XYLT1: variants seen among roughly 807,000 people sequenced by gnomAD.
XYLT1 encodes the protein beta-D-xylosyltransferase 1.
XYLT1 carries 36 observed loss-of-function variants against 91.3 expected under a neutral mutation model. The observed-to-expected ratio is 0.39, with a 90% confidence interval of 0.30 to 0.52. The LOEUF is 0.52. Ranked by LOEUF, XYLT1 falls within the 20% of genes least tolerant of loss-of-function variation. XYLT1 has a pLI of 0.68. For missense variants in XYLT1, 1,242 were observed against 1,284.5 expected (o/e 0.97, Z 0.51); for synonymous variants, 588 against 532.0 (o/e 1.11, Z -1.45).
intron 2 of XYLT1, among the ~76,000 whole-genome samples, chr16:17,303,741 C>G (rs2034431383): frequency 6.6e-6 from 1 of 152,186 alleles, no homozygotes; most frequent in South Asian, 2.1e-4. Context: ...CACTCTGATT[C>G]TAGAAACAGG....
intron 5 of XYLT1, among the ~76,000 whole-genome samples, chr16:17,163,921 C>T (rs1243872406): frequency 4.0e-5 from 6 of 151,568 alleles, no homozygotes; most frequent in African/African-American, 1.2e-4. Flanking sequence ...TGGTGGCATG[C>T]GCCTGTGATC....
At chr16:17,404,346 G>GT (rs1201227219) in intron 1 of XYLT1, among the ~76,000 whole-genome samples, 1 of 152,206 alleles carries the variant, frequency 6.6e-6, no homozygotes, top group Non-Finnish European at 1.5e-5. Context: ...GGATGAGGGC[G>GT]TGGAGCAGGT....
chr16:17,283,533 C>T (rs2034089812), intron 2 of XYLT1, among the ~76,000 whole-genome samples: 1 of 152,228 alleles, frequency 6.6e-6, no homozygotes, highest in African/African-American at 2.4e-5. Context: ...ACTTGACATT[C>T]TAGAGTCTTT....
At chr16:17,353,130 G>C (rs1355272200) in intron 2 of XYLT1, among the ~76,000 whole-genome samples, 4 of 152,218 alleles carry the variant, frequency 2.6e-5, no homozygotes, top group African/African-American at 9.6e-5. Flanking sequence ...TGAAAACCCA[G>C]AAGTTGGGAG....
intron 1 of XYLT1, among the ~76,000 whole-genome samples, chr16:17,385,033 C>T (rs1158138851): frequency 6.6e-6 from 1 of 151,774 alleles, no homozygotes; most frequent in Non-Finnish European, 1.5e-5. Context: ...TTTTAGGTGA[C>T]TGCAGAGTCC....
At chr16:17,401,042 A>G (rs1036642790) in intron 1 of XYLT1, among the ~76,000 whole-genome samples, 10 of 152,002 alleles carry the variant, frequency 6.6e-5, no homozygotes, top group Non-Finnish European at 1.3e-4. Flanking sequence ...CTTCAGAGTC[A>G]ATTCTTTAAC....
intron 5 of XYLT1, among the ~76,000 whole-genome samples, chr16:17,191,893 T>A (rs2141580212): frequency 6.6e-6 from 1 of 152,290 alleles, no homozygotes; most frequent in Middle Eastern, 3.4e-3. Flanking sequence ...CAGGAAAATG[T>A]CAACATGGTT....
chr16:17,439,849 C>T (rs2036510693), intron 1 of XYLT1, among the ~76,000 whole-genome samples: 1 of 152,092 alleles, frequency 6.6e-6, no homozygotes, highest in South Asian at 2.1e-4. Context: ...CCAAGGATAC[C>T]CACTCCAGTA....
chr16:17,328,618 G>A (rs1040199470), intron 2 of XYLT1, among the ~76,000 whole-genome samples: 2 of 136,004 alleles, frequency 1.5e-5, no homozygotes, highest in Non-Finnish European at 3.2e-5. Context: ...TGCAAGAGCA[G>A]AAAAAAAATT....
At chr16:17,120,892 TTA>T (rs2030028332) in intron 10 of XYLT1, among the ~76,000 whole-genome samples, 1 of 152,222 alleles carries the variant, frequency 6.6e-6, no homozygotes, top group Admixed American at 6.5e-5. Flanking sequence ...GATCATCTAC[TTA>T]TGTGTGTTTA....
At chr16:17,111,912 G>T (rs1966841772) in intron 11 of XYLT1, among the ~76,000 whole-genome samples, 1 of 152,172 alleles carries the variant, frequency 6.6e-6, no homozygotes, top group South Asian at 2.1e-4. Flanking sequence ...GGTAGGGTGG[G>T]CAGCTTCAGC....
At position 17,260,060 on chromosome 16, in the gene XYLT1, G is replaced by T. The variant is rs552573727; in HGVS notation, c.403-562C>A. ...TTTTTTTTTTTTTTTTAAGAGGAAT[G>T]CAGCCCTTGTAGAATAAACTTTACA... On this transcript the variant is annotated intron_variant, in intron 2 of 11. Coordinates refer to ENST00000261381, the MANE Select transcript of XYLT1 (RefSeq NM_022166.4). Among the ~76,000 whole-genome samples, 415 of 148,992 alleles carry T rather than the reference G, an allele frequency of 2.8e-3. 3 individuals are homozygous for T. The highest frequency in any genetic ancestry group is 9.9e-3 in the African/African-American group (398 of 40,344).
At chr16:17,357,165 T>A (rs1259483608) in intron 2 of XYLT1, among the ~76,000 whole-genome samples, 2 of 95,680 alleles carry the variant, frequency 2.1e-5, no homozygotes, top group African/African-American at 9.1e-5. Flanking sequence ...CAACAGAGAC[T>A]CGGTCTCAAA....
chr16:17,147,459 A>C (rs1384475772), intron 6 of XYLT1, among the ~76,000 whole-genome samples: 3 of 152,198 alleles, frequency 2.0e-5, no homozygotes, highest in Admixed American at 6.5e-5. Context: ...TGCAATTTTA[A>C]TGTGATGTCC....
At position 17,134,578 on chromosome 16, in the gene XYLT1, A is replaced by G; in HGVS notation, c.1922T>C (p.Ile641Thr). 1.9e-6 allele frequency: 3 copies of G among 1,614,174 alleles called. No individual in the cohort carries two copies. The highest frequency in any genetic ancestry group is 1.7e-6 in the Non-Finnish European group (2 of 1,180,032). ...GAGTGTCACGTCGCTCAGGCTGTGG[A>G]TGCCGTCAGGCTCATCGTAGACATT... The part of the protein sequence containing the change: ...WENVYDEPDG[I>T]HSLSDVTLTL... Residue 641 changes from isoleucine to threonine, a missense_variant, in exon 9 of 12, where the codon ATC becomes ACC. By Grantham distance (89) the Ile-to-Thr change is moderately conservative (BLOSUM62 -1). Transcript: ENST00000261381.
chr16:17,316,267 T>C (rs1421348148), intron 2 of XYLT1, among the ~76,000 whole-genome samples: 1 of 152,214 alleles, frequency 6.6e-6, no homozygotes, highest in African/African-American at 2.4e-5. Flanking sequence ...CTGTAGGTTA[T>C]TGGCAGCATG....
intron 3 of XYLT1, among the ~76,000 whole-genome samples, chr16:17,217,597 T>A (rs1440913382): frequency 1.3e-5 from 2 of 152,224 alleles, no homozygotes; most frequent in African/African-American, 4.8e-5. Flanking sequence ...TTCTCAAATG[T>A]TCACAGAGCA....
At chr16:17,186,283 A>G (rs2032181108) in intron 5 of XYLT1, among the ~76,000 whole-genome samples, 1 of 151,814 alleles carries the variant, frequency 6.6e-6, no homozygotes, top group Non-Finnish European at 1.5e-5. Flanking sequence ...TTGTATTTTT[A>G]GTAAAGACGG....
chr16:17,338,199 T>C, intron 2 of XYLT1: 1 of 456,494 alleles, frequency 2.2e-6, no homozygotes, highest in Non-Finnish European at 4.4e-6. Flanking sequence ...GCCTCTAGGC[T>C]CACTTCTGCA....
Sources: allele counts gnomAD v4.1 joint callset (sites outside exome capture counted in the v4.1 genomes callset), GRCh38; gene constraint gnomAD v4.1.1; transcripts MANE v1.5; gene names NCBI Gene and HGNC (gene_info 2026-07-23, HGNC 2026-07-21).